Variants in TMC2 observed in about 807,000 individuals in gnomAD.
TMC2 encodes the protein transmembrane channel like 2.
A neutral mutation model predicts 105.9 loss-of-function variants in TMC2; 102 were observed. The observed-to-expected ratio is 0.96, with a 90% confidence interval of 0.82 to 1.14. TMC2 has a LOEUF of 1.14. TMC2 is among the 50% of genes most tolerant of loss of function. TMC2 has a pLI of 0.00. For synonymous variants in TMC2, 402 were observed against 422.8 expected (o/e 0.95, Z 0.60); for missense variants, 1,093 against 1,134.3 (o/e 0.96, Z 0.52).
intron 2 of TMC2, among the ~76,000 whole-genome samples, chr20:2,541,837 A>G (rs1250782919): frequency 6.6e-6 from 1 of 152,198 alleles, no homozygotes; most frequent in Non-Finnish European, 1.5e-5. Flanking sequence ...TATAAACAAG[A>G]CAGGAAATCC....
intron 5 of TMC2, 23 bp downstream of exon 5, chr20:2,572,292 A>G (rs773053671): frequency 6.3e-7 from 1 of 1,577,572 alleles, no homozygotes; most frequent in South Asian, 1.1e-5. Flanking sequence ...GGGGCAGTGA[A>G]TCTGTTGGGA....
chr20:2,560,279 AAT>A (rs201274443), intron 3 of TMC2, among the ~76,000 whole-genome samples: 32 of 152,152 alleles, frequency 2.1e-4, no homozygotes, highest in African/African-American at 5.1e-4. Flanking sequence ...AAAAAAAAAA[AAT>A]ATCTCTGTGT....
intron 13 of TMC2, among the ~76,000 whole-genome samples, chr20:2,612,562 G>C (rs994211259): frequency 6.6e-6 from 1 of 152,118 alleles, no homozygotes; most frequent in Non-Finnish European, 1.5e-5. Flanking sequence ...TTGGTGTCTG[G>C]TAGATATTTT....
Position 2,602,200 on chromosome 20 carries a change from A to G in TMC2, c.1312A>G (p.Ile438Val). The G allele has an allele frequency of 6.2e-7, 1 of 1,613,780 alleles. No homozygotes were observed. Among genetic ancestry groups the G allele is most frequent in the Non-Finnish European group, 8.5e-7 (1 of 1,179,882 alleles). The change falls in exon 11 of 20, where the codon ATC becomes GTC. Residue 438 changes from isoleucine to valine, a missense_variant. Coordinates refer to ENST00000358864, the MANE Select transcript of TMC2 (RefSeq NM_080751.3). ...TCGTGTCCTGGCCAACTTTCTCATC[A>G]TCTGCTGTTTGTGTGGAAGTGGGTA... ...FLRVLANFLI[I>V]CCLCGSGYLI...
At chr20:2,569,876 G>T (rs1386428460) in intron 4 of TMC2, among the ~76,000 whole-genome samples, 1 of 152,108 alleles carries the variant, frequency 6.6e-6, no homozygotes, top group Non-Finnish European at 1.5e-5. Context: ...CTCCAGAGGG[G>T]CCCCAGACAC....
At chr20:2,584,062 T>C (rs2086213949) in intron 7 of TMC2, among the ~76,000 whole-genome samples, 1 of 152,018 alleles carries the variant, frequency 6.6e-6, no homozygotes, top group African/African-American at 2.4e-5. Flanking sequence ...GAAGCTGTGC[T>C]TTAGGTTTAC....
intron 4 of TMC2, among the ~76,000 whole-genome samples, chr20:2,570,450 A>G (rs2086095129): frequency 6.6e-6 from 1 of 152,130 alleles, no homozygotes; most frequent in Non-Finnish European, 1.5e-5. Context: ...TCATCTAACC[A>G]AGGAGGTGAA....
At chr20:2,537,203 CG>C in intron 1 of TMC2, 65 bp from the exon 2 acceptor site, 1 of 1,451,200 alleles carries the variant, frequency 6.9e-7, no homozygotes, top group Admixed American at 1.9e-5. Context: ...CCACAGTGAC[CG>C]GGGGTCTGCA....
At chr20:2,581,324 T>C (rs1030223389) in intron 7 of TMC2, among the ~76,000 whole-genome samples, 7 of 152,258 alleles carry the variant, frequency 4.6e-5, no homozygotes, top group Non-Finnish European at 1.0e-4. Flanking sequence ...TCAAAATGTG[T>C]GCTTACAAAT....
intron 7 of TMC2, among the ~76,000 whole-genome samples, chr20:2,584,337 G>A (rs866816175): frequency 7.1e-6 from 1 of 141,530 alleles, no homozygotes; most frequent in Non-Finnish European, 1.5e-5. Flanking sequence ...CCAGCTACTT[G>A]GGAGGCTGAG....
Position 2,612,231 on chromosome 20 carries a change from C to T in TMC2, c.1634C>T (p.Thr545Ile), listed in dbSNP as rs767562059. 9.3e-6 allele frequency: 15 copies of T among 1,611,414 alleles called. No homozygotes were observed. The South Asian group carries it at 1.3e-4, about 14-fold the overall frequency. ...EETIKNITHW[T>I]LFNYYNSSGW... is the part of the protein sequence containing the mutation. The stretch of plus-strand genomic sequence containing the variant: ...ACAATAAAGAACATCACTCACTGGA[C>T]TCTGTTTAACTATTACAACTCTTCT... The change falls in exon 13 of 20, where the codon ACT (threonine) becomes ATT (isoleucine). Residue 545 changes from threonine to isoleucine, a missense_variant. Transcript: ENST00000358864.
In TMC2 at chr20:2,572,182, G is replaced by A. The variant is rs1246668796; in HGVS notation, c.558G>A (p.Glu186=). ...PMAKKLTELR[E]AQEFVEKYEG... ...TTTTTTTTTTTTTTCTAAGCAGGGA[G>A]GCCCAGGAATTTGTGGAGAAGTATG... Residue 186 remains glutamate, a synonymous_variant, in exon 5 of 20, where the codon GAG becomes GAA. Transcript: ENST00000358864. The A allele has an allele frequency of 1.9e-6, 3 of 1,611,078 alleles. No homozygotes were observed. Among genetic ancestry groups the A allele is most frequent in the Admixed American group, 1.7e-5 (1 of 59,914 alleles).
intron 2 of TMC2, among the ~76,000 whole-genome samples, chr20:2,538,062 C>T (rs1414704295): frequency 2.0e-5 from 3 of 151,204 alleles, no homozygotes; most frequent in African/African-American, 7.4e-5. Context: ...GAGGGAGGGC[C>T]CTTTCCACTC....
intron 2 of TMC2, among the ~76,000 whole-genome samples, chr20:2,548,285 G>T (rs116143977): frequency 0.012 from 1,814 of 152,316 alleles, 37 homozygotes; most frequent in African/African-American, 0.04. Flanking sequence ...AAAAAAAGAA[G>T]CAAAAGTAAA....
At chr20:2,547,543 C>T (rs1345449211) in intron 2 of TMC2, among the ~76,000 whole-genome samples, 1 of 152,208 alleles carries the variant, frequency 6.6e-6, no homozygotes, top group African/African-American at 2.4e-5. Flanking sequence ...CTAATTGTTT[C>T]TGGCACCTGT....
chr20:2,568,788 GA>G (rs1454437273), intron 4 of TMC2, among the ~76,000 whole-genome samples: 24 of 152,126 alleles, frequency 1.6e-4, no homozygotes, highest in Non-Finnish European at 8.8e-5. Flanking sequence ...TCCCATTGAG[GA>G]GGACATACAG....
intron 4 of TMC2, among the ~76,000 whole-genome samples, chr20:2,566,452 T>G (rs1410634411): frequency 1.3e-5 from 2 of 152,230 alleles, no homozygotes; most frequent in Non-Finnish European, 2.9e-5. Context: ...GAAGTTGGCA[T>G]AACAGCTTCT....
At chr20:2,637,102 A>C (rs1235679466) in intron 18 of TMC2, among the ~76,000 whole-genome samples, 1 of 151,478 alleles carries the variant, frequency 6.6e-6, no homozygotes, top group Non-Finnish European at 1.5e-5. Flanking sequence ...CAAGAACTGA[A>C]AACAGGCCGG....
At chr20:2,608,598 G>T (rs1245784781) in intron 11 of TMC2, among the ~76,000 whole-genome samples, 1 of 152,056 alleles carries the variant, frequency 6.6e-6, no homozygotes, top group East Asian at 1.9e-4. Context: ...AAAGTGCTGG[G>T]ATTACAGGCA....
Sources: allele counts gnomAD v4.1 joint callset (sites outside exome capture counted in the v4.1 genomes callset), GRCh38; gene constraint gnomAD v4.1.1; transcripts MANE v1.5; gene names NCBI Gene and HGNC (gene_info 2026-07-23, HGNC 2026-07-21).